The following RBM20 variants were observed in gnomAD, a reference collection of about 807,000 sequenced individuals.
RBM20 encodes the protein RNA binding motif protein 20, also known as RNA-binding protein 20.
Under a neutral mutation model 110.1 loss-of-function variants are expected in RBM20, and 51 were observed. The observed-to-expected ratio is 0.46, with a 90% confidence interval of 0.37 to 0.59. RBM20 has a LOEUF of 0.59. RBM20 is among the 20% of genes least tolerant of loss of function. The probability of loss-of-function intolerance (pLI) is 0.00; values close to 1 mark genes in which losing one functional copy is unlikely to be tolerated. For synonymous variants in RBM20, 589 were observed against 618.2 expected (o/e 0.95, Z 0.70); for missense variants, 1,512 against 1,574.9 (o/e 0.96, Z 0.68).
intron 1 of RBM20, among the ~76,000 whole-genome samples, chr10:110,675,983 AG>A (rs1766370712): frequency 1.3e-5 from 2 of 152,224 alleles, no homozygotes; most frequent in Non-Finnish European, 2.9e-5. Flanking sequence ...AGAAGCAGTG[AG>A]GGTGGACATG....
At chr10:110,658,933 C>G (rs1862062683) in intron 1 of RBM20, among the ~76,000 whole-genome samples, 1 of 152,130 alleles carries the variant, frequency 6.6e-6, no homozygotes, top group Non-Finnish European at 1.5e-5. Flanking sequence ...TCTGTGGCTC[C>G]CATAGTAGCA....
At chr10:110,651,019 C>A (rs1320446985) in intron 1 of RBM20, among the ~76,000 whole-genome samples, 1 of 152,214 alleles carries the variant, frequency 6.6e-6, no homozygotes, top group East Asian at 1.9e-4. Flanking sequence ...GAGGAAAAAA[C>A]TCTGGACTGG....
intron 1 of RBM20, among the ~76,000 whole-genome samples, chr10:110,719,152 G>A (rs1488386489): frequency 6.6e-6 from 1 of 152,222 alleles, no homozygotes; most frequent in Non-Finnish European, 1.5e-5. Flanking sequence ...TCTGCCAAAT[G>A]GTGTTCCAAA....
intron 1 of RBM20, among the ~76,000 whole-genome samples, chr10:110,736,332 T>G (rs939499630): frequency 6.6e-6 from 1 of 152,182 alleles, no homozygotes; most frequent in Non-Finnish European, 1.5e-5. Flanking sequence ...ATTCCTTGCT[T>G]CTTTTTCCCT....
intron 1 of RBM20, among the ~76,000 whole-genome samples, chr10:110,677,597 C>T (rs1314181497): frequency 6.6e-6 from 1 of 152,320 alleles, no homozygotes; most frequent in Middle Eastern, 3.4e-3. Context: ...GGATTACAGG[C>T]GTGAGCCACC....
chr10:110,801,195 A>G (rs1844618005), intron 7 of RBM20, among the ~76,000 whole-genome samples: 2 of 152,204 alleles, frequency 1.3e-5, no homozygotes, highest in Admixed American at 6.5e-5. Flanking sequence ...TTGGGAGACC[A>G]AGGTGGGTGG....
chr10:110,808,588 G>A (rs985500128), intron 7 of RBM20, among the ~76,000 whole-genome samples: 1 of 152,158 alleles, frequency 6.6e-6, no homozygotes, highest in Non-Finnish European at 1.5e-5. Flanking sequence ...TTATTCACAA[G>A]CACAGTTGAA....
chr10:110,804,619 A>G (rs756178030), intron 7 of RBM20, among the ~76,000 whole-genome samples: 1 of 152,220 alleles, frequency 6.6e-6, no homozygotes, highest in African/African-American at 2.4e-5. Flanking sequence ...AACCTTTCAC[A>G]TGATAGATGT....
intron 1 of RBM20, among the ~76,000 whole-genome samples, chr10:110,715,387 G>A (rs1182262768): frequency 2.6e-5 from 4 of 152,246 alleles, no homozygotes; most frequent in Non-Finnish European, 5.9e-5. Flanking sequence ...CACACTGTCT[G>A]CAGCACTTTC....
At chr10:110,708,255 T>C (rs909569182) in intron 1 of RBM20, among the ~76,000 whole-genome samples, 2 of 152,192 alleles carry the variant, frequency 1.3e-5, no homozygotes, top group African/African-American at 4.8e-5. Context: ...CAGTGTGCCC[T>C]GCAAATTATG....
At chr10:110,660,243 G>A (rs1862082848) in intron 1 of RBM20, among the ~76,000 whole-genome samples, 1 of 151,964 alleles carries the variant, frequency 6.6e-6, no homozygotes, top group Non-Finnish European at 1.5e-5. Context: ...TCGACTTGTG[G>A]CAGCTTAAAA....
chr10:110,832,610 A>G (rs898268519), intron 13 of RBM20, among the ~76,000 whole-genome samples: 2 of 152,154 alleles, frequency 1.3e-5, no homozygotes, highest in Non-Finnish European at 2.9e-5. Context: ...CAGAGAAGCT[A>G]TATAATTCAT....
chr10:110,679,736 C>T (rs2134856455), intron 1 of RBM20, among the ~76,000 whole-genome samples: 1 of 152,330 alleles, frequency 6.6e-6, no homozygotes, highest in South Asian at 2.1e-4. Flanking sequence ...TGTCTGTCTG[C>T]AGCGTGGCTG....
chr10:110,745,764 G>C (rs1891040), intron 1 of RBM20, among the ~76,000 whole-genome samples: 114,586 of 152,030 alleles, frequency 0.75, 43,861 homozygotes, highest in Non-Finnish European at 0.82. Context: ...TAACATGTGA[G>C]GAGGGCTGAA....
intron 9 of RBM20, among the ~76,000 whole-genome samples, chr10:110,815,915 TG>T (rs1168691352): frequency 1.3e-5 from 2 of 152,154 alleles, no homozygotes; most frequent in Non-Finnish European, 2.9e-5. Context: ...TCTTTAGGTT[TG>T]GAGCCAGGCA....
intron 9 of RBM20, 78 bp from the exon 10 acceptor site, chr10:110,819,994 A>G (rs1442747553): frequency 1.7e-5 from 15 of 877,318 alleles, no homozygotes; most frequent in Non-Finnish European, 2.4e-5. Flanking sequence ...TGGGACCTGC[A>G]TTCAATATCA....
chr10:110,761,787 A>G (rs1434087233), intron 1 of RBM20, among the ~76,000 whole-genome samples: 1 of 152,238 alleles, frequency 6.6e-6, no homozygotes, highest in African/African-American at 2.4e-5. Flanking sequence ...ATCCCCGTCT[A>G]TCCTGGTACC....
intron 1 of RBM20, among the ~76,000 whole-genome samples, chr10:110,691,978 T>A (rs1862592160): frequency 1.3e-5 from 2 of 152,240 alleles, no homozygotes; most frequent in South Asian, 2.1e-4. Context: ...AACTTCATTA[T>A]TTTGCATGTG....
At chr10:110,664,870 GTC>G (rs377098638) in intron 1 of RBM20, among the ~76,000 whole-genome samples, 7 of 150,782 alleles carry the variant, frequency 4.6e-5, no homozygotes, top group East Asian at 1.9e-4. Context: ...TCCTTCTTCA[GTC>G]TCTCTCTCTC....
Sources: gnomAD v4.1 joint callset for allele counts (sites outside exome capture counted in the v4.1 genomes callset) on GRCh38, gnomAD v4.1.1 for gene constraint, MANE v1.5 for transcripts, NCBI Gene and HGNC (gene_info 2026-07-23, HGNC 2026-07-21) for gene names.